Variants in RIC1 observed in about 807,000 individuals in gnomAD.
RIC1 encodes guanine nucleotide exchange factor subunit RIC1.
RIC1 carries 88 observed loss-of-function variants against 169.0 expected under a neutral mutation model. The observed-to-expected ratio is 0.52, with a 90% CI of 0.44 to 0.62. RIC1 has a LOEUF of 0.62. Ranked by LOEUF, RIC1 falls within the 20% of genes least tolerant of loss-of-function variation. RIC1 has a pLI of 0.00. For missense variants in RIC1, 1,877 were observed against 1,725.5 expected (o/e 1.09, Z -1.56); for synonymous variants, 790 against 601.5 (o/e 1.31, Z -4.59).
At chr9:5,669,840 T>C (rs899880572) in intron 2 of RIC1, among the ~76,000 whole-genome samples, 37 of 152,156 alleles carry the variant, frequency 2.4e-4, no homozygotes, top group African/African-American at 8.2e-4. Context: ...GGATTCTGGC[T>C]AAAACAACAG....
chr9:5,668,404 T>C (rs571818652), intron 2 of RIC1, among the ~76,000 whole-genome samples: 24 of 152,328 alleles, frequency 1.6e-4, no homozygotes, highest in Non-Finnish European at 2.9e-4. Flanking sequence ...TCAGTGTGGG[T>C]CTCTGAGTTT....
rs576510751 is a variant in RIC1, at chr9:5,720,533, T to C, written c.584-81T>C. 17 of 1,374,516 alleles carry C rather than the reference T, an allele frequency of 1.2e-5. No homozygotes were observed. The African/African-American group carries it at 1.9e-4, about 15-fold the overall frequency. The allele number at this position is 1,374,516 out of a possible 1,614,324, so 85.1% of individuals were successfully genotyped here. ...GGTCATTATTTTTACCCTTTTAAAC[T>C]TACAGGTTTTTCTGGCAAAAAGTGA... On this transcript the variant is annotated intron_variant, in intron 5 of 25. Transcript: ENST00000414202.
chr9:5,750,082 A>G (rs1362660026), intron 12 of RIC1, among the ~76,000 whole-genome samples: 1 of 150,018 alleles, frequency 6.7e-6, no homozygotes, highest in African/African-American at 2.5e-5. Flanking sequence ...CAGCCAAAGC[A>G]AGCACCAGCA....
intron 12 of RIC1, among the ~76,000 whole-genome samples, chr9:5,752,746 T>A (rs1209449453): frequency 1.3e-5 from 2 of 152,222 alleles, no homozygotes; most frequent in African/African-American, 4.8e-5. Flanking sequence ...TAAGCATTGC[T>A]GTTTTAATCA....
At chr9:5,655,661 A>T (rs913347130) in intron 1 of RIC1, among the ~76,000 whole-genome samples, 11 of 152,138 alleles carry the variant, frequency 7.2e-5, no homozygotes, top group African/African-American at 2.7e-4. Flanking sequence ...TGTTTATTGA[A>T]ATAATCATGT....
Position 5,704,352 on chromosome 9 carries a change from A to G in RIC1, c.333-9544A>G, listed in dbSNP as rs1302115159. Among the ~76,000 whole-genome samples the G allele has an allele frequency of 4.6e-5, 7 of 152,108 alleles. No individual in the cohort carries two copies. In the East Asian group the frequency reaches 1.4e-3, roughly 29 times the overall value. On this transcript the variant is annotated intron_variant, in intron 3 of 25. Transcript: ENST00000414202. ...CAGTCACCAGAGTAGCTGGGACTACAGGCATGCACCACCACACCTGGCTAA... is the reference window on the plus strand; with the variant it reads ...CAGTCACCAGAGTAGCTGGGACTACGGGCATGCACCACCACACCTGGCTAA...
chr9:5,754,746 T>TGAGCTTTG, intron 14 of RIC1, 95 bp from the exon 15 acceptor site: 1 of 705,164 alleles, frequency 1.4e-6, no homozygotes, highest in East Asian at 3.0e-5. Context: ...AATAATAATT[T>TGAGCTTTG]GAGCTTTGTC....
intron 3 of RIC1, among the ~76,000 whole-genome samples, chr9:5,706,851 T>C (rs1822621654): frequency 6.6e-6 from 1 of 152,180 alleles, no homozygotes; most frequent in Non-Finnish European, 1.5e-5. Context: ...TTTTCAATTG[T>C]ATTGATGTTT....
intron 22 of RIC1, chr9:5,769,485 T>A: frequency 7.0e-7 from 1 of 1,428,484 alleles, no homozygotes; most frequent in Non-Finnish European, 9.2e-7. Context: ...AATTCAAAAA[T>A]CTAATCATAC....
At chr9:5,683,965 T>C (rs185649146) in intron 2 of RIC1, among the ~76,000 whole-genome samples, 300 of 152,314 alleles carry the variant, frequency 2.0e-3, no homozygotes, top group African/African-American at 7.0e-3. Flanking sequence ...TATAATCTCC[T>C]GGTATGCCAT....
intron 2 of RIC1, among the ~76,000 whole-genome samples, chr9:5,685,489 G>A (rs1821161962): frequency 1.3e-5 from 2 of 149,146 alleles, no homozygotes; most frequent in African/African-American, 4.9e-5. Flanking sequence ...ACAACTATCT[G>A]ATCTTTGACA....
At chr9:5,630,296 C>A (rs1817657407) in intron 1 of RIC1, among the ~76,000 whole-genome samples, 1 of 152,310 alleles carries the variant, frequency 6.6e-6, no homozygotes. Context: ...ATAACTTTGT[C>A]TATGAGAACG....
intron 1 of RIC1, among the ~76,000 whole-genome samples, chr9:5,650,148 C>T (rs749346214): frequency 2.0e-5 from 3 of 152,070 alleles, no homozygotes; most frequent in African/African-American, 7.2e-5. Flanking sequence ...TGGGTTGATT[C>T]TTAGGCCTCC....
At chr9:5,652,836 G>A (rs1818880780) in intron 1 of RIC1, among the ~76,000 whole-genome samples, 2 of 152,080 alleles carry the variant, frequency 1.3e-5, no homozygotes, top group South Asian at 2.1e-4. Context: ...TTAGCTATGG[G>A]TTTGTCATAT....
At chr9:5,723,772 C>T (rs1823765854) in intron 6 of RIC1, among the ~76,000 whole-genome samples, 1 of 152,232 alleles carries the variant, frequency 6.6e-6, no homozygotes, top group Non-Finnish European at 1.5e-5. Flanking sequence ...CAGCTTTCTA[C>T]ATATGGCTAG....
intron 2 of RIC1, 150 bp from the exon 3 acceptor site, chr9:5,689,809 G>A (rs906319701): frequency 1.7e-5 from 9 of 528,430 alleles, no homozygotes; most frequent in South Asian, 1.4e-4. Flanking sequence ...TTAAAAAGTC[G>A]CTTCTATTTG....
chr9:5,720,521 AC>A, intron 5 of RIC1, 92 bp from the exon 6 acceptor site: 2 of 1,291,026 alleles, frequency 1.5e-6, no homozygotes, highest in Non-Finnish European at 2.1e-6. Context: ...CATTATTTTT[AC>A]CCTTTTAAAC....
Position 5,762,553 on chromosome 9 carries a change from G to A in RIC1, c.2005G>A (p.Glu669Lys). 4 of 1,613,932 alleles carry A rather than the reference G, an allele frequency of 2.5e-6. No individual in the cohort carries two copies. The East Asian group carries it at 8.9e-5, about 36-fold the overall frequency. The change falls in exon 18 of 26, where the codon GAG becomes AAG. Residue 669 changes from glutamate to lysine, a missense_variant. By Grantham distance (56) the Glu-to-Lys change is moderately conservative. Transcript: ENST00000414202. The part of the protein sequence containing the change: ...LKMPQQARGA[E>K]SIMLNLAGQL... ...TCTTAAATTTCAGGCTCGTGGTGCA[G>A]AGAGCATTATGTTAAACCTGGCAGG...
chr9:5,687,070 G>T (rs946346378), intron 2 of RIC1, among the ~76,000 whole-genome samples: 1 of 152,098 alleles, frequency 6.6e-6, no homozygotes, highest in Non-Finnish European at 1.5e-5. Context: ...GTGAACTTTG[G>T]TGGTTTGTGT....
Sources: allele counts gnomAD v4.1 joint callset (sites outside exome capture counted in the v4.1 genomes callset), GRCh38; gene constraint gnomAD v4.1.1; transcripts MANE v1.5; gene names NCBI Gene and HGNC (gene_info 2026-07-23, HGNC 2026-07-21).